The following CHST3 variants were observed in gnomAD, a reference collection of about 807,000 sequenced individuals.
CHST3 encodes C6ST-1.
Under a neutral mutation model 35.4 loss-of-function variants are expected in CHST3, and 20 were observed. The ratio of observed to expected loss-of-function variants is 0.57; its 90% CI spans 0.40 to 0.82. The LOEUF (loss-of-function observed/expected upper bound fraction) is 0.82. Ranked by LOEUF, CHST3 falls within the 40% of genes least tolerant of loss-of-function variation. The pLI, the probability that CHST3 is intolerant of heterozygous loss-of-function variation, is 0.00. For synonymous variants in CHST3, 334 were observed against 295.9 expected (o/e 1.13, Z -1.32); for missense variants, 693 against 670.1 (o/e 1.03, Z -0.38).
chr10:71,978,951 G>T (rs898936613), intron 1 of CHST3, among the ~76,000 whole-genome samples: 6 of 152,148 alleles, frequency 3.9e-5, no homozygotes, highest in Non-Finnish European at 7.4e-5. Context: ...AGTGCCAAGG[G>T]GGAAGTTCAA....
intron 1 of CHST3, among the ~76,000 whole-genome samples, chr10:71,992,032 GA>G (rs1438624869): frequency 1.3e-5 from 2 of 152,134 alleles, no homozygotes; most frequent in Admixed American, 6.6e-5. Context: ...TTTATTTGCT[GA>G]AAAAAATGCT....
chr10:72,013,339 C>T lies in CHST3; in HGVS notation c.*4868C>T, dbSNP rs1041129911. ...GCTCATTCTGCTCAGCCTCTGGCGCCGTTCCACATTGCTCCCAGCCCCATT... is the reference window on the plus strand; with the variant it reads ...GCTCATTCTGCTCAGCCTCTGGCGCTGTTCCACATTGCTCCCAGCCCCATT... On this transcript the variant is annotated 3_prime_UTR_variant, in exon 3 of 3. Coordinates refer to ENST00000373115, the MANE Select transcript of CHST3 (RefSeq NM_004273.5). 1 of 152,230 alleles carries T rather than the reference C, an allele frequency of 6.6e-6. No homozygotes were observed. The highest frequency in any genetic ancestry group is 1.5e-5 in the Non-Finnish European group (1 of 68,040). The allele number at this position is 152,230 out of a possible 1,614,324, so 9.4% of individuals were successfully genotyped here.
chr10:71,970,575 G>A (rs1188072892), intron 1 of CHST3, among the ~76,000 whole-genome samples: 1 of 152,142 alleles, frequency 6.6e-6, no homozygotes, highest in African/African-American at 2.4e-5. Flanking sequence ...GTGCTGCAGG[G>A]ACGCTGGTGG....
intron 1 of CHST3, among the ~76,000 whole-genome samples, chr10:71,976,961 A>T (rs1457940921): frequency 6.6e-6 from 1 of 152,234 alleles, no homozygotes; most frequent in Non-Finnish European, 1.5e-5. Flanking sequence ...CCGGACTCAG[A>T]CACTCAGCAT....
intron 1 of CHST3, among the ~76,000 whole-genome samples, chr10:71,981,234 G>T (rs370411015): frequency 2.6e-5 from 4 of 152,174 alleles, no homozygotes; most frequent in Admixed American, 2.6e-4. Context: ...TGTATCACGC[G>T]GCAGCACCTC....
chr10:71,974,007 C>T (rs993253097), intron 1 of CHST3, among the ~76,000 whole-genome samples: 2 of 152,170 alleles, frequency 1.3e-5, no homozygotes, highest in Non-Finnish European at 1.5e-5. Context: ...GCTGTGTGGC[C>T]GTGGCCAAGT....
intron 1 of CHST3, among the ~76,000 whole-genome samples, chr10:71,969,800 G>A (rs192054259): frequency 6.6e-6 from 1 of 152,294 alleles, no homozygotes; most frequent in East Asian, 1.9e-4. Flanking sequence ...CAGATGCTGG[G>A]TGAAGCCCCA....
chr10:72,007,087 T>C lies in CHST3; in HGVS notation c.141-85T>C. 1.4e-6 allele frequency: 2 copies of C among 1,477,344 alleles called. 1 individual carries two copies. The highest frequency in any genetic ancestry group is 4.8e-5 in the East Asian group (2 of 41,604). 91.5% of individuals were successfully genotyped at this position (1,477,344 alleles called of 1,614,324 possible). On this transcript the variant is annotated intron_variant, in intron 2 of 2. Transcript: ENST00000373115. Reference sequence around the variant, plus strand: ...GAAACCCAACTGAGACAGGTTTTGGTGATCTGCTTGGAGGACTGCTTAGGG... The same window carrying C: ...GAAACCCAACTGAGACAGGTTTTGGCGATCTGCTTGGAGGACTGCTTAGGG...
At chr10:71,979,787 G>T (rs1253066820) in intron 1 of CHST3, among the ~76,000 whole-genome samples, 1 of 152,174 alleles carries the variant, frequency 6.6e-6, no homozygotes, top group African/African-American at 2.4e-5. Context: ...ATACAGAGAA[G>T]AATGCAGCAA....
chr10:71,971,247 A>T (rs2131737671), intron 1 of CHST3, among the ~76,000 whole-genome samples: 1 of 152,158 alleles, frequency 6.6e-6, no homozygotes, highest in South Asian at 2.1e-4. Flanking sequence ...CACTGCTGGA[A>T]GGTTCTGGTT....
In CHST3 at chr10:72,012,139, A is replaced by AGTGG. The variant is rs1840117175; in HGVS notation, c.*3670_*3673dup. On this transcript the variant is annotated 3_prime_UTR_variant, in exon 3 of 3. Coordinates refer to ENST00000373115, the MANE Select transcript of CHST3 (RefSeq NM_004273.5). ...GGGAGCTACTGCCAGAGGCTGGCGT[A>AGTGG]GTGGGGCAGCTGCTGACCAAACCCC... 1 of 152,194 alleles carries AGTGG rather than the reference A, an allele frequency of 6.6e-6. No individual in the cohort carries two copies. The highest frequency in any genetic ancestry group is 1.9e-4 in the East Asian group (1 of 5,200). The allele number at this position is 152,194 out of a possible 1,614,324, so 9.4% of individuals were successfully genotyped here. A position where few individuals can be genotyped will look rare whatever the true frequency, so the allele number is the denominator to read the frequency against.
At position 72,008,228 on chromosome 10, in the gene CHST3, C is replaced by T. The variant is rs184636110; in HGVS notation, c.1197C>T (p.Asp399=). The stretch of plus-strand genomic sequence containing the variant: ...TCCCCCTGACCCCGCAGGTGGAAGA[C>T]TGGATCCAAAAGAACACGCAGGCGG... The part of the protein sequence containing the change: ...AGIPLTPQVE[D]WIQKNTQAAH... The change falls in exon 3 of 3, where the codon GAC becomes GAT. Residue 399 remains aspartate, a synonymous_variant. Coordinates refer to ENST00000373115, the MANE Select transcript of CHST3 (RefSeq NM_004273.5). 1.2e-3 allele frequency: 1,824 copies of T among 1,561,906 alleles called. 3 individuals are homozygous for T. Among genetic ancestry groups the T allele is most frequent in the Non-Finnish European group, 1.4e-3 (1,585 of 1,153,300 alleles).
intron 1 of CHST3, among the ~76,000 whole-genome samples, chr10:71,987,910 C>G (rs1422984016): frequency 2.6e-5 from 4 of 152,092 alleles, no homozygotes; most frequent in South Asian, 2.1e-4. Context: ...TTTTCTCTAC[C>G]CGGTTATCTC....
intron 1 of CHST3, among the ~76,000 whole-genome samples, chr10:72,003,633 G>A (rs947346831): frequency 2.6e-5 from 4 of 151,224 alleles, no homozygotes; most frequent in Non-Finnish European, 5.9e-5. Flanking sequence ...CCCAGGAGGC[G>A]GAGATTGCAG....
In CHST3 at chr10:72,008,424, C is replaced by A. The variant is rs868684674; in HGVS notation, c.1393C>A (p.Arg465Ser). 2.5e-6 allele frequency: 4 copies of A among 1,572,878 alleles called. No individual in the cohort carries two copies. The highest frequency in any genetic ancestry group is 2.6e-6 in the Non-Finnish European group (3 of 1,159,784). The stretch of plus-strand genomic sequence containing the variant: ...GCGGGACGCCGCCGCCCTCACCAAC[C>A]GCTCAGTCAGCCTGCTGGAGGAGAG... ...LARDAAALTN[R>S]SVSLLEERGT... is the part of the protein sequence containing the mutation. The change falls in exon 3 of 3, where the codon CGC (arginine) becomes AGC (serine). Residue 465 changes from arginine to serine, a missense_variant. By Grantham distance (110) the Arg-to-Ser change is moderately radical. Transcript: ENST00000373115.
rs1160613041 is a variant in CHST3, at chr10:72,007,248, G to A, written c.217G>A (p.Glu73Lys). The A allele has an allele frequency of 1.2e-6, 2 of 1,614,234 alleles. No homozygotes were observed. Among genetic ancestry groups the A allele is most frequent in the Admixed American group, 1.7e-5 (1 of 60,028 alleles). ...CACCGACCCAGCCCTGATCTTAGCT[G>A]AGAACGCATCTCTCTTGTCCCTGAG... ...NSTDPALILA[E>K]NASLLSLSEL... is the part of the protein sequence containing the mutation. The change falls in exon 3 of 3, where the codon GAG becomes AAG. Residue 73 changes from glutamate (E) to lysine (K), a missense_variant. Transcript: ENST00000373115.
intron 1 of CHST3, among the ~76,000 whole-genome samples, chr10:71,967,058 G>A (rs897630143): frequency 5.3e-5 from 8 of 152,180 alleles, no homozygotes; most frequent in African/African-American, 1.7e-4. Flanking sequence ...GGAGTGCAGT[G>A]GCACGATCAC....
At chr10:71,990,110 T>C (rs1294113137) in intron 1 of CHST3, among the ~76,000 whole-genome samples, 1 of 152,190 alleles carries the variant, frequency 6.6e-6, no homozygotes, top group East Asian at 1.9e-4. Flanking sequence ...GCAAGATTAG[T>C]TCCTAGAAGT....
chr10:71,976,665 G>A (rs909503263), intron 1 of CHST3, among the ~76,000 whole-genome samples: 1 of 152,176 alleles, frequency 6.6e-6, no homozygotes, highest in African/African-American at 2.4e-5. Flanking sequence ...GAGAAGGCAG[G>A]CCTTGAATTC....
Sources: gnomAD v4.1 joint callset for allele counts (sites outside exome capture counted in the v4.1 genomes callset) on GRCh38, gnomAD v4.1.1 for gene constraint, MANE v1.5 for transcripts, NCBI Gene and HGNC (gene_info 2026-07-23, HGNC 2026-07-21) for gene names.